The following PALM2AKAP2 variants were observed in gnomAD, a reference collection of about 807,000 sequenced individuals.
The protein encoded by PALM2AKAP2 is PALM2-AKAP2 fusion protein.
In PALM2AKAP2, 37 loss-of-function variants were observed where a neutral mutation model predicts 71.5. That is an observed-to-expected ratio of 0.52 (90% CI 0.40 to 0.68). The LOEUF (loss-of-function observed/expected upper bound fraction) is 0.68. Among genes scored for constraint, PALM2AKAP2 ranks in the 30% least tolerant of loss-of-function variants. PALM2AKAP2 has a pLI of 0.00. For synonymous variants in PALM2AKAP2, 468 were observed against 478.8 expected (o/e 0.98, Z 0.29); for missense variants, 1,224 against 1,191.8 (o/e 1.03, Z -0.40).
At chr9:110,089,832 C>CAGCA (rs1200303386) in intron 1 of PALM2AKAP2, among the ~76,000 whole-genome samples, 1 of 152,130 alleles carries the variant, frequency 6.6e-6, no homozygotes, top group Non-Finnish European at 1.5e-5. Flanking sequence ...CGTGGAGAGC[C>CAGCA]AGCAGCCTTT....
intron 1 of PALM2AKAP2, among the ~76,000 whole-genome samples, chr9:109,668,452 G>T (rs889541805): frequency 6.6e-6 from 1 of 152,224 alleles, no homozygotes; most frequent in Non-Finnish European, 1.5e-5. Flanking sequence ...AAAATATCAT[G>T]CTCTCTGTTA....
chr9:109,903,208 C>T (rs1830368205), intron 3 of PALM2AKAP2, among the ~76,000 whole-genome samples: 1 of 151,964 alleles, frequency 6.6e-6, no homozygotes, highest in South Asian at 2.1e-4. Flanking sequence ...TGTGCGGGGT[C>T]TTGCTGCTGC....
intron 1 of PALM2AKAP2, among the ~76,000 whole-genome samples, chr9:109,807,624 C>G (rs1827615078): frequency 1.3e-5 from 2 of 150,410 alleles, no homozygotes; most frequent in African/African-American, 4.9e-5. Context: ...AAAGGTAGTG[C>G]TTTAATCTAT....
chr9:110,168,259 CTCTCCTA>C (rs1836782626), intron 3 of PALM2AKAP2, 133 bp from the exon 11 acceptor site: 11 of 986,930 alleles, frequency 1.1e-5, no homozygotes, highest in African/African-American at 3.4e-5. Flanking sequence ...TTTCCAGCGT[CTCTCCTA>C]TCTCCCAGCA....
chr9:109,950,407 T>C (rs1831609778), intron 6 of PALM2AKAP2, among the ~76,000 whole-genome samples: 2 of 152,192 alleles, frequency 1.3e-5, no homozygotes, highest in South Asian at 4.1e-4. Context: ...ATAAAGGAGA[T>C]TCTGAATTTT....
intron 2 of PALM2AKAP2, among the ~76,000 whole-genome samples, chr9:110,151,018 T>TA (rs374802713): frequency 5.9e-5 from 9 of 152,186 alleles, no homozygotes; most frequent in African/African-American, 1.4e-4. Flanking sequence ...TTGGTGTAGT[T>TA]AAAAAAAACA....
chr9:109,762,662 G>GAA (rs147586144), intron 1 of PALM2AKAP2, among the ~76,000 whole-genome samples: 194 of 152,076 alleles, frequency 1.3e-3, no homozygotes, highest in African/African-American at 3.8e-3. Context: ...TGTGAGGCAG[G>GAA]AAAAAAACCC....
intron 6 of PALM2AKAP2, among the ~76,000 whole-genome samples, chr9:109,967,699 C>T (rs1831981788): frequency 6.6e-6 from 1 of 152,158 alleles, no homozygotes; most frequent in Non-Finnish European, 1.5e-5. Flanking sequence ...CGTGAGCCAC[C>T]GCACTTGGCT....
chr9:109,796,819 G>T (rs1416357841), intron 1 of PALM2AKAP2, among the ~76,000 whole-genome samples: 3 of 152,122 alleles, frequency 2.0e-5, no homozygotes, highest in Non-Finnish European at 2.9e-5. Flanking sequence ...CTCCCACCAG[G>T]TTCTGCCCCT....
intron 1 of PALM2AKAP2, among the ~76,000 whole-genome samples, chr9:109,670,865 A>C (rs906136591): frequency 6.6e-6 from 1 of 152,142 alleles, no homozygotes; most frequent in Admixed American, 6.6e-5. Context: ...CTTCTCTAAT[A>C]ATCAGTGATG....
intron 6 of PALM2AKAP2, chr9:109,943,403 G>T: frequency 6.2e-7 from 1 of 1,612,690 alleles, no homozygotes; most frequent in Non-Finnish European, 8.5e-7. Flanking sequence ...AAAAAGCGCT[G>T]TCAATGCTGT....
chr9:109,865,096 C>CTTTTTTTT (rs58922983), intron 1 of PALM2AKAP2, among the ~76,000 whole-genome samples: 1,371 of 75,560 alleles, frequency 0.018, 309 homozygotes, highest in African/African-American at 0.06. Context: ...CTACTCATTC[C>CTTTTTTTT]TTTTTTTTTT....
chr9:109,903,761 C>G (rs1830381043), intron 3 of PALM2AKAP2, among the ~76,000 whole-genome samples: 1 of 152,104 alleles, frequency 6.6e-6, no homozygotes, highest in Non-Finnish European at 1.5e-5. Flanking sequence ...TAAGCCGCTC[C>G]CACATAGCGA....
intron 3 of PALM2AKAP2, among the ~76,000 whole-genome samples, chr9:109,889,511 T>C (rs1308090043): frequency 6.6e-6 from 1 of 152,182 alleles, no homozygotes; most frequent in Non-Finnish European, 1.5e-5. Context: ...CTGCAGCTCC[T>C]ACCCTCTCTC....
intron 3 of PALM2AKAP2, among the ~76,000 whole-genome samples, chr9:109,891,382 T>C (rs1188092213): frequency 6.6e-6 from 1 of 152,176 alleles, no homozygotes; most frequent in Non-Finnish European, 1.5e-5. Context: ...ATTAAGGTTA[T>C]GCCATTTTCC....
chr9:109,671,687 T>A (rs1214785941), intron 1 of PALM2AKAP2, among the ~76,000 whole-genome samples: 1 of 152,186 alleles, frequency 6.6e-6, no homozygotes, highest in Non-Finnish European at 1.5e-5. Context: ...TTTTGGACAG[T>A]GTGGCTATTT....
At chr9:110,124,474 G>C (rs1004882993) in intron 1 of PALM2AKAP2, among the ~76,000 whole-genome samples, 2 of 152,150 alleles carry the variant, frequency 1.3e-5, no homozygotes, top group Non-Finnish European at 2.9e-5. Flanking sequence ...TTCTAGTTCT[G>C]CCCGTAAGTT....
upstream of PALM2AKAP2, among the ~76,000 whole-genome samples, chr9:110,045,578 C>CT (rs11412908): frequency 0.044 from 6,633 of 151,036 alleles, 456 homozygotes; most frequent in African/African-American, 0.15. Context: ...TTTTCTTTCT[C>CT]TTTTTTTTTG....
chr9:109,820,688 A>T (rs147741301), intron 1 of PALM2AKAP2, among the ~76,000 whole-genome samples: 38 of 152,306 alleles, frequency 2.5e-4, no homozygotes, highest in Non-Finnish European at 4.9e-4. Context: ...TGCCCAATAC[A>T]TCAGAAACTC....
Sources: gnomAD v4.1 joint callset for allele counts (sites outside exome capture counted in the v4.1 genomes callset) on GRCh38, gnomAD v4.1.1 for gene constraint, MANE v1.5 for transcripts, NCBI Gene and HGNC (gene_info 2026-07-23, HGNC 2026-07-21) for gene names.